The following LRP1B variants were observed in gnomAD, a reference collection of about 807,000 sequenced individuals.
The protein encoded by LRP1B is low-density lipoprotein receptor-related protein 1B.
In LRP1B, 217 loss-of-function variants were observed where a neutral mutation model predicts 556.6. The ratio of observed to expected loss-of-function variants is 0.39; its 90% CI spans 0.35 to 0.44. The LOEUF is 0.44. LRP1B is among the 20% of genes least tolerant of loss of function. The probability of loss-of-function intolerance (pLI) is 1.00; values close to 1 mark genes in which losing one functional copy is unlikely to be tolerated. For missense variants in LRP1B, 5,053 were observed against 5,620.8 expected (o/e 0.90, Z 3.23); for synonymous variants, 2,047 against 1,865.8 (o/e 1.10, Z -2.50).
intron 43 of LRP1B, chr2:140,586,743 T>C (rs956271416): frequency 3.3e-5 from 5 of 152,086 alleles, no homozygotes; most frequent in African/African-American, 9.7e-5. Flanking sequence ...CCTAGACCGA[T>C]GTCAGGGAAA....
chr2:141,334,570 A>G (rs1361172363), intron 3 of LRP1B, among the ~76,000 whole-genome samples: 1 of 152,190 alleles, frequency 6.6e-6, no homozygotes, highest in Non-Finnish European at 1.5e-5. Flanking sequence ...ACAGTGATAT[A>G]GTCCAGACTC....
At chr2:141,785,854 C>T (rs1695416048) in intron 2 of LRP1B, among the ~76,000 whole-genome samples, 1 of 151,598 alleles carries the variant, frequency 6.6e-6, no homozygotes, top group Non-Finnish European at 1.5e-5. Context: ...ATAGTCCATT[C>T]ATATTAAAAT....
intron 3 of LRP1B, among the ~76,000 whole-genome samples, chr2:141,330,911 C>T (rs1687615205): frequency 6.6e-6 from 1 of 152,056 alleles, no homozygotes. Context: ...GCCCACCACG[C>T]CGGGCTAATT....
intron 2 of LRP1B, among the ~76,000 whole-genome samples, chr2:141,498,020 T>C (rs1001552812): frequency 2.0e-5 from 3 of 151,996 alleles, no homozygotes; most frequent in African/African-American, 2.4e-5. Context: ...TTTTCAAAAG[T>C]ACATCTCTAA....
chr2:141,946,254 C>G (rs532514647), intron 1 of LRP1B, among the ~76,000 whole-genome samples: 50 of 152,250 alleles, frequency 3.3e-4, no homozygotes, highest in Non-Finnish European at 6.8e-4. Context: ...TCCACTATAG[C>G]AGCTCTTTTG....
chr2:140,934,975 G>A (rs190576356), intron 20 of LRP1B, among the ~76,000 whole-genome samples: 86 of 152,278 alleles, frequency 5.6e-4, no homozygotes, highest in African/African-American at 2.1e-3. Flanking sequence ...AGAAAGACCT[G>A]AAAAGACCTT....
At chr2:141,457,749 G>T (rs1431496219) in intron 3 of LRP1B, among the ~76,000 whole-genome samples, 4 of 152,162 alleles carry the variant, frequency 2.6e-5, no homozygotes, top group African/African-American at 9.7e-5. Flanking sequence ...GGGGCAAGGA[G>T]GTGGTAACTG....
chr2:140,636,843 T>C (rs1456274483), intron 41 of LRP1B, among the ~76,000 whole-genome samples: 1 of 152,146 alleles, frequency 6.6e-6, no homozygotes, highest in Non-Finnish European at 1.5e-5. Context: ...GCTTACTCCT[T>C]TCCAATATCC....
intron 66 of LRP1B, among the ~76,000 whole-genome samples, chr2:140,387,309 G>A (rs1683800977): frequency 6.6e-6 from 1 of 152,086 alleles, no homozygotes; most frequent in African/African-American, 2.4e-5. Flanking sequence ...AGTGACTTAG[G>A]TATACTTATG....
chr2:140,518,277 T>C (rs972864147), intron 49 of LRP1B, among the ~76,000 whole-genome samples: 1 of 152,142 alleles, frequency 6.6e-6, no homozygotes, highest in Non-Finnish European at 1.5e-5. Context: ...ATGCTTAGGA[T>C]GTTTCCTGGA....
At chr2:141,643,484 T>G (rs1165724637) in intron 2 of LRP1B, among the ~76,000 whole-genome samples, 1 of 152,178 alleles carries the variant, frequency 6.6e-6, no homozygotes, top group Non-Finnish European at 1.5e-5. Context: ...ATTAAATATT[T>G]TCAGAAATGT....
intron 41 of LRP1B, among the ~76,000 whole-genome samples, chr2:140,637,456 G>A (rs944004778): frequency 5.9e-5 from 9 of 152,104 alleles, no homozygotes; most frequent in African/African-American, 2.2e-4. Flanking sequence ...TTTTTCTTTA[G>A]AACTATCTAA....
chr2:141,253,133 G>C (rs1248051026), intron 4 of LRP1B, among the ~76,000 whole-genome samples: 6 of 152,130 alleles, frequency 3.9e-5, no homozygotes, highest in Non-Finnish European at 7.4e-5. Flanking sequence ...AGCCAAACAC[G>C]TACGAATGGC....
chr2:141,243,436 C>T lies in LRP1B; in HGVS notation c.592+3790G>A, dbSNP rs1456329671. 2.0e-5 allele frequency among the ~76,000 whole-genome samples: 3 copies of T among 152,204 alleles called. No homozygotes were observed. In the East Asian group the frequency reaches 5.8e-4, roughly 29 times the overall value. The stretch of plus-strand genomic sequence containing the variant: ...GTTTGCGGCTGCAGTGAGCTATGAT[C>T]ATGCTACTGTACTCCAGCCTGAGCA... On this transcript the variant is annotated intron_variant, in intron 5 of 90. Transcript: ENST00000389484.
chr2:141,648,003 TGTG>T (rs1689643161), intron 2 of LRP1B, among the ~76,000 whole-genome samples: 1 of 151,976 alleles, frequency 6.6e-6, no homozygotes, highest in Non-Finnish European at 1.5e-5. Flanking sequence ...AATACAGAAA[TGTG>T]GGGAATTCTG....
chr2:140,774,322 T>C (rs890334722), intron 33 of LRP1B, among the ~76,000 whole-genome samples: 3 of 152,160 alleles, frequency 2.0e-5, no homozygotes, highest in South Asian at 2.1e-4. Context: ...TCACAGAGCA[T>C]AGAACACCCA....
At chr2:141,900,500 A>G (rs770331038) in intron 1 of LRP1B, among the ~76,000 whole-genome samples, 6 of 152,034 alleles carry the variant, frequency 3.9e-5, no homozygotes, top group Non-Finnish European at 7.4e-5. Context: ...CCTTTTAAAT[A>G]CTAGTAATAA....
intron 3 of LRP1B, among the ~76,000 whole-genome samples, chr2:141,407,477 G>A (rs934325504): frequency 1.3e-5 from 2 of 152,122 alleles, no homozygotes; most frequent in African/African-American, 2.4e-5. Flanking sequence ...GTTGGAGGTG[G>A]GGCCTAGTGG....
intron 2 of LRP1B, among the ~76,000 whole-genome samples, chr2:141,799,778 C>A (rs547576106): frequency 5.4e-5 from 8 of 147,568 alleles, no homozygotes; most frequent in African/African-American, 1.8e-4. Flanking sequence ...TTCACTGTTA[C>A]GTTTAACAAT....
Sources: gnomAD v4.1 joint callset for allele counts (sites outside exome capture counted in the v4.1 genomes callset) on GRCh38, gnomAD v4.1.1 for gene constraint, MANE v1.5 for transcripts, NCBI Gene and HGNC (gene_info 2026-07-23, HGNC 2026-07-21) for gene names.